ADAD2: variants seen among roughly 807,000 people sequenced by gnomAD.
ADAD2 encodes adenosine deaminase domain-containing protein 2.
In ADAD2, 60 loss-of-function variants were observed where a neutral mutation model predicts 54.5. The ratio of observed to expected loss-of-function variants is 1.10; its 90% CI spans 0.89 to 1.36. ADAD2 has a LOEUF of 1.36. ADAD2 is among the 40% of genes most tolerant of loss of function. ADAD2 has a pLI of 0.00. For missense variants in ADAD2, 1,103 were observed against 801.3 expected (o/e 1.38, Z -4.54); for synonymous variants, 543 against 366.2 (o/e 1.48, Z -5.51).
Position 84,191,372 on chromosome 16 carries a change from G to T in ADAD2, c.142G>T (p.Ala48Ser). Residue 48 changes from alanine (A) to serine (S), a missense_variant, in exon 1 of 10, where the codon GCG (alanine) becomes TCG (serine). Transcript: ENST00000315906. ...QAQSAWGPAP[A>S]PATYRAEGGW... ...CCAAAGTGCCTGGGGGCCCGCGCCCGCGCCCGCGACGTATCGCGCGGAGGG... is the reference window on the plus strand; with the variant it reads ...CCAAAGTGCCTGGGGGCCCGCGCCCTCGCCCGCGACGTATCGCGCGGAGGG... 1.3e-6 allele frequency: 2 copies of T among 1,530,206 alleles called. No individual in the cohort carries two copies. The highest frequency in any genetic ancestry group is 1.7e-6 in the Non-Finnish European group (2 of 1,143,508). 94.8% of individuals were successfully genotyped at this position (1,530,206 alleles called of 1,614,324 possible). A position where few individuals can be genotyped will look rare whatever the true frequency, so the allele number is the denominator to read the frequency against.
chr16:84,195,419 T>C lies in ADAD2; in HGVS notation c.857T>C (p.Leu286Pro). The C allele has an allele frequency of 6.2e-7, 1 of 1,609,646 alleles. No individual in the cohort carries two copies. The part of the protein sequence containing the change: ...SGQQLHDCHG[L>P]VIARRALLRF... Reference sequence around the variant, plus strand: ...CAGCAGCTCCACGACTGCCATGGCCTGGTCATCGCCCGCAGGGCCCTGCTG... The same window carrying C: ...CAGCAGCTCCACGACTGCCATGGCCCGGTCATCGCCCGCAGGGCCCTGCTG... The change falls in exon 5 of 10, where the codon CTG becomes CCG. Residue 286 changes from leucine (L) to proline (P), a missense_variant. By Grantham distance (98) the Leu-to-Pro change is moderately conservative. Transcript: ENST00000315906.
rs558977960 is a variant in ADAD2, at chr16:84,196,011, G to T, written c.1249G>T (p.Val417Leu). 4.4e-6 allele frequency: 7 copies of T among 1,598,912 alleles called. No individual in the cohort carries two copies. The Admixed American group carries it at 6.7e-5, about 15-fold the overall frequency. ...GLGGALLAHL[V>L]SPLYSTSLIL... is the part of the protein sequence containing the mutation. ...GGGTGGTGCCCTGCTGGCCCACCTG[G>T]TGTCCCCACTCTACAGCACCAGCCT... Residue 417 changes from valine (V) to leucine (L), a missense_variant, in exon 7 of 10, where the codon GTG (valine) becomes TTG (leucine). Transcript: ENST00000315906.
chr16:84,196,155 G>T lies in ADAD2; in HGVS notation c.1311G>T (p.Leu437=). Residue 437 remains leucine (L), a synonymous_variant, in exon 8 of 10, where the codon CTG becomes CTT. Transcript: ENST00000315906. The stretch of plus-strand genomic sequence containing the variant: ...ACTCATGCCACGACCCTCCGACTCT[G>T]AGCAGGGCCATCCACACCCGGCCCT... ...LADSCHDPPT[L]SRAIHTRPCL... The T allele has an allele frequency of 6.2e-7, 1 of 1,605,622 alleles. No homozygotes were observed. The highest frequency in any genetic ancestry group is 8.5e-7 in the Non-Finnish European group (1 of 1,179,858).
chr16:84,194,412 G>A (rs1475615482), intron 1 of ADAD2, 30 bp from the exon 2 acceptor site: 1 of 1,595,598 alleles, frequency 6.3e-7, no homozygotes. Context: ...AAGGCCAGGG[G>A]GCTGCTTCCT....
Position 84,196,182 on chromosome 16 carries a change from C to T in ADAD2, c.1338C>T (p.Cys446=). ...GCAGGGCCATCCACACCCGGCCCTG[C>T]CTGGACAGTGTCCTGGGGCCATGCC... ...TLSRAIHTRP[C]LDSVLGPCLP... Residue 446 remains cysteine, a synonymous_variant, in exon 8 of 10, where the codon TGC becomes TGT. Coordinates refer to ENST00000315906, the MANE Select transcript of ADAD2 (RefSeq NM_001145400.2). 1 of 1,608,650 alleles carries T rather than the reference C, an allele frequency of 6.2e-7. No individual in the cohort carries two copies. The highest frequency in any genetic ancestry group is 8.5e-7 in the Non-Finnish European group (1 of 1,179,904).
rs184754710 is a variant in ADAD2 at position 84,196,709 on chromosome 16, C to A, written c.1589C>A (p.Ala530Glu). ...TCCTTTCTCCGGGCCTTTCACCAGGCGGCCAGGGCTGTGGGGAAGCCCTAC... is the reference window on the plus strand; with the variant it reads ...TCCTTTCTCCGGGCCTTTCACCAGGAGGCCAGGGCTGTGGGGAAGCCCTAC... ...KASFLRAFHQ[A>E]ARAVGKPYLL... Residue 530 changes from alanine to glutamate, a missense_variant, in exon 9 of 10, where the codon GCG (alanine) becomes GAG (glutamate). Transcript: ENST00000315906. The A allele has an allele frequency of 6.8e-6, 11 of 1,613,232 alleles. No individual in the cohort carries two copies. Among genetic ancestry groups the A allele is most frequent in the African/African-American group, 1.3e-5 (1 of 75,044 alleles).
chr16:84,193,270 C>T (rs541357883), intron 1 of ADAD2: 6 of 152,366 alleles, frequency 3.9e-5, no homozygotes, highest in African/African-American at 1.4e-4. Flanking sequence ...GTAATGACCT[C>T]ATGGCCATTG....
rs1175803736 is a variant in ADAD2, at chr16:84,191,800, C to A, written c.418+152C>A. Reference sequence around the variant, plus strand: ...GCAGGACCTGGCCTGAGCTTGGGACCTTGGGGTGGACCCTGCTGTGAGCAG... The same window carrying A: ...GCAGGACCTGGCCTGAGCTTGGGACATTGGGGTGGACCCTGCTGTGAGCAG... On this transcript the variant is annotated intron_variant, in intron 1 of 9. Coordinates refer to ENST00000315906, the MANE Select transcript of ADAD2 (RefSeq NM_001145400.2). 4.4e-6 allele frequency: 5 copies of A among 1,146,636 alleles called. No individual in the cohort carries two copies. The East Asian group carries it at 1.3e-4, about 29-fold the overall frequency. The allele number at this position is 1,146,636 out of a possible 1,614,324, so 71.0% of individuals were successfully genotyped here. A position where few individuals can be genotyped will look rare whatever the true frequency, so the allele number is the denominator to read the frequency against.
chr16:84,196,536 TGA>T lies in ADAD2; in HGVS notation c.1527-109_1527-108del. 9.0e-6 allele frequency: 14 copies of T among 1,554,512 alleles called. No homozygotes were observed. In the South Asian group the frequency reaches 1.7e-4, roughly 19 times the overall value. On this transcript the variant is annotated intron_variant, in intron 8 of 9. Transcript: ENST00000315906. ...GGTGGCCACACCTCTGTCTGCCCTGTGAGTCCTGTGACATTGTCACAGTGTGA... is the reference window on the plus strand; with the variant it reads ...GGTGGCCACACCTCTGTCTGCCCTGTGTCCTGTGACATTGTCACAGTGTGA...
Position 84,196,015 on chromosome 16 carries a change from C to T in ADAD2, c.1253C>T (p.Ser418Phe). 1 of 1,599,098 alleles carries T rather than the reference C, an allele frequency of 6.3e-7. No individual in the cohort carries two copies. Among genetic ancestry groups the T allele is most frequent in the Non-Finnish European group, 8.5e-7 (1 of 1,179,764 alleles). The change falls in exon 7 of 10, where the codon TCC becomes TTC. Residue 418 changes from serine (S) to phenylalanine (F), a missense_variant. By Grantham distance (155) the Ser-to-Phe change is radical. Coordinates refer to ENST00000315906, the MANE Select transcript of ADAD2 (RefSeq NM_001145400.2). ...GGTGCCCTGCTGGCCCACCTGGTGT[C>T]CCCACTCTACAGCACCAGCCTCATC... ...LGGALLAHLV[S>F]PLYSTSLILA...
chr16:84,194,203 C>T (rs1163576272), intron 1 of ADAD2: 4 of 1,570,540 alleles, frequency 2.5e-6, no homozygotes, highest in African/African-American at 1.4e-5. Flanking sequence ...GTCACGCATC[C>T]CTGCTGTGGA....
rs1453662731 is a variant in ADAD2 at position 84,195,124 on chromosome 16, C to T, written c.663C>T (p.Asp221=). 3.1e-6 allele frequency: 5 copies of T among 1,613,682 alleles called. No individual in the cohort carries two copies. The highest frequency in any genetic ancestry group is 1.7e-5 in the Admixed American group (1 of 60,022). Residue 221 remains aspartate (D), a synonymous_variant, in exon 4 of 10, where the codon GAC becomes GAT. Coordinates refer to ENST00000315906, the MANE Select transcript of ADAD2 (RefSeq NM_001145400.2). ...RCAALVSAGF[D]LLLDERSPYW... is the part of the protein sequence containing the mutation. Reference sequence around the variant, plus strand: ...CAGCGTTGGTGAGCGCCGGCTTTGACCTCCTGTTGGACGAGCGCTCGCCAT... The same window carrying T: ...CAGCGTTGGTGAGCGCCGGCTTTGATCTCCTGTTGGACGAGCGCTCGCCAT...
Position 84,195,076 on chromosome 16 carries a change from C to T in ADAD2, c.615C>T (p.Ile205=), listed in dbSNP as rs372073088. The T allele has an allele frequency of 8.7e-6, 14 of 1,613,364 alleles. No individual in the cohort carries two copies. The South Asian group carries it at 1.3e-4, about 15-fold the overall frequency. Residue 205 remains isoleucine (I), a synonymous_variant, in exon 4 of 10, where the codon ATC becomes ATT. Coordinates refer to ENST00000315906, the MANE Select transcript of ADAD2 (RefSeq NM_001145400.2). The part of the protein sequence containing the change: ...PPLAPLSVEN[I]LTHEQRCAAL... Reference sequence around the variant, plus strand: ...TCTCTCGCCCTGGCGCAGAGAACATCCTGACCCATGAGCAGCGCTGCGCAG... The same window carrying T: ...TCTCTCGCCCTGGCGCAGAGAACATTCTGACCCATGAGCAGCGCTGCGCAG...
chr16:84,193,917 C>T (rs2089689645), intron 1 of ADAD2: 3 of 1,320,558 alleles, frequency 2.3e-6, no homozygotes, highest in Middle Eastern at 1.9e-4. Flanking sequence ...TGAAATTAAC[C>T]CTGCACCTTT....
rs745418187 is a variant in ADAD2 at position 84,197,066 on chromosome 16, G to C, written c.*92G>C. On this transcript the variant is annotated 3_prime_UTR_variant, in exon 10 of 10. Transcript: ENST00000315906. ...GAGGAGCGTTGTGGGGAGAACATGG[G>C]TTGTGCGGGGTGAAACTGGGGCTGG... The C allele has an allele frequency of 4.9e-4, 637 of 1,310,354 alleles. 9 individuals carry two copies. The highest frequency in any genetic ancestry group is 1.2e-4 in the Non-Finnish European group (110 of 944,764). The allele number at this position is 1,310,354 out of a possible 1,614,324, so 81.2% of individuals were successfully genotyped here.
chr16:84,191,477 G>A lies in ADAD2; in HGVS notation c.247G>A (p.Ala83Thr), dbSNP rs1482192244. 1.9e-6 allele frequency: 3 copies of A among 1,538,920 alleles called. No individual in the cohort carries two copies. The highest frequency in any genetic ancestry group is 2.6e-6 in the Non-Finnish European group (3 of 1,144,342). ...AGVGELGAARAWENLGEQMGK... is the reference protein window; with the variant it reads ...AGVGELGAARTWENLGEQMGK... Reference sequence around the variant, plus strand: ...AGTCGGGGAACTGGGGGCAGCCCGGGCGTGGGAAAACTTGGGGGAACAGAT... The same window carrying A: ...AGTCGGGGAACTGGGGGCAGCCCGGACGTGGGAAAACTTGGGGGAACAGAT... Residue 83 changes from alanine (A) to threonine (T), a missense_variant, in exon 1 of 10, where the codon GCG becomes ACG. By Grantham distance (58) the Ala-to-Thr change is moderately conservative. Coordinates refer to ENST00000315906, the MANE Select transcript of ADAD2 (RefSeq NM_001145400.2).
intron 1 of ADAD2, chr16:84,194,023 A>G (rs2089691775): frequency 6.3e-7 from 1 of 1,591,740 alleles, no homozygotes; most frequent in African/African-American, 1.3e-5. Flanking sequence ...GTTCAAATAT[A>G]GAGCCCCTGG....
chr16:84,194,535 C>G lies in ADAD2; in HGVS notation c.512C>G (p.Ala171Gly), dbSNP rs1344225795. Residue 171 changes from alanine to glycine, a missense_variant, in exon 2 of 10, where the codon GCA becomes GGA. By Grantham distance (60) the Ala-to-Gly change is moderately conservative (BLOSUM62 0). Coordinates refer to ENST00000315906, the MANE Select transcript of ADAD2 (RefSeq NM_001145400.2). Reference sequence around the variant, plus strand: ...AGCAAGACGGAGGCCAAACAGCAGGCAGCGCTCTCTGCCCTCTGCTACATC... The same window carrying G: ...AGCAAGACGGAGGCCAAACAGCAGGGAGCGCTCTCTGCCCTCTGCTACATC... Reference protein sequence around the residue: ...ANSKTEAKQQAALSALCYIRS... With the variant: ...ANSKTEAKQQGALSALCYIRS... The G allele has an allele frequency of 6.2e-7, 1 of 1,610,832 alleles. No homozygotes were observed. The highest frequency in any genetic ancestry group is 8.5e-7 in the Non-Finnish European group (1 of 1,178,828).
At position 84,195,327 on chromosome 16, in the gene ADAD2, G is replaced by T. The variant is rs1269735977; in HGVS notation, c.765G>T (p.Glu255Asp). Residue 255 changes from glutamate (E) to aspartate (D), a missense_variant, in exon 5 of 10, where the codon GAG becomes GAT. By Grantham distance (45) the Glu-to-Asp change is conservative (BLOSUM62 2). Coordinates refer to ENST00000315906, the MANE Select transcript of ADAD2 (RefSeq NM_001145400.2). ...EIPRARGHVKEIYKLVALGTG... is the reference protein window; with the variant it reads ...EIPRARGHVKDIYKLVALGTG... ...CGCGTGCCAGGGGCCACGTGAAGGA[G>T]ATCTACAAGCTGGTGGCTCTGGGCA... 6.2e-7 allele frequency: 1 copy of T among 1,611,058 alleles called. No individual in the cohort carries two copies. Among genetic ancestry groups the T allele is most frequent in the Non-Finnish European group, 8.5e-7 (1 of 1,179,848 alleles).
Sources: allele counts gnomAD v4.1 joint callset, GRCh38; gene constraint gnomAD v4.1.1; transcripts MANE v1.5; gene names NCBI Gene and HGNC (gene_info 2026-07-23, HGNC 2026-07-21).